PLIN5: variants seen among roughly 807,000 people sequenced by gnomAD.
PLIN5 encodes the protein perilipin 5.
A neutral mutation model predicts 32.8 loss-of-function variants in PLIN5; 34 were observed. That is an observed-to-expected ratio of 1.04 (90% confidence interval 0.79 to 1.38). The LOEUF is 1.38. Among genes scored for constraint, PLIN5 ranks in the 40% most tolerant of loss-of-function variants. The pLI, the probability that PLIN5 is intolerant of heterozygous loss-of-function variation, is 0.00. For missense variants in PLIN5, 712 were observed against 660.5 expected, an observed-to-expected ratio of 1.08 and a Z score of -0.85; for synonymous variants, 309 against 292.9, an observed-to-expected ratio of 1.05 and a Z score of -0.56.
intron 1 of PLIN5, 34 bp from the exon 2 acceptor site, chr19:4,534,129 C>T: frequency 6.4e-7 from 1 of 1,562,254 alleles, no homozygotes; most frequent in Non-Finnish European, 8.7e-7. Flanking sequence ...GGAGCACCTG[C>T]CCAGGCATCA....
intron 5 of PLIN5, among the ~76,000 whole-genome samples, chr19:4,527,403 G>A (rs770255370): frequency 2.0e-5 from 3 of 151,824 alleles, no homozygotes; most frequent in Admixed American, 1.3e-4. Flanking sequence ...GCCAGATGTG[G>A]TGGTGTGCAC....
In PLIN5 at chr19:4,529,086, C is replaced by T. The variant is rs771928410; in HGVS notation, c.507G>A (p.Thr169=). 1.4e-5 allele frequency: 23 copies of T among 1,612,998 alleles called. No homozygotes were observed. The highest frequency in any genetic ancestry group is 3.3e-5 in the South Asian group (3 of 91,046). The change falls in exon 5 of 8, where the codon ACG becomes ACA. Residue 169 remains threonine (T), a synonymous_variant. Coordinates refer to ENST00000381848, the MANE Select transcript of PLIN5 (RefSeq NM_001013706.3). ...EELVDHFLPM[T]EEELAALAAE... is the part of the protein sequence containing the mutation. ...TGTCGTCCTCACCGAGCTCTTCCTCCGTCATGGGCAGGAAGTGATCCACCA... is the reference window on the plus strand; with the variant it reads ...TGTCGTCCTCACCGAGCTCTTCCTCTGTCATGGGCAGGAAGTGATCCACCA...
In PLIN5 at chr19:4,531,676, G is replaced by A. The variant is rs755085794; in HGVS notation, c.207C>T (p.Thr69=). 2 of 1,547,384 alleles carry A rather than the reference G, an allele frequency of 1.3e-6. No individual in the cohort carries two copies. Among genetic ancestry groups the A allele is most frequent in the Non-Finnish European group, 1.7e-6 (2 of 1,150,334 alleles). Residue 69 remains threonine (T), a synonymous_variant, in exon 3 of 8, where the codon ACC becomes ACT. Coordinates refer to ENST00000381848, the MANE Select transcript of PLIN5 (RefSeq NM_001013706.3). The part of the protein sequence containing the change: ...LAENCVCGLT[T]RALDHAQPLL... Reference sequence around the variant, plus strand: ...GCGGCTGGGCGTGGTCCAGGGCACGGGTGGTCAGGCCGCACACGCAGTTCT... The same window carrying A: ...GCGGCTGGGCGTGGTCCAGGGCACGAGTGGTCAGGCCGCACACGCAGTTCT...
intron 7 of PLIN5, 38 bp from the exon 8 acceptor site, chr19:4,524,123 C>T: frequency 7.2e-7 from 1 of 1,388,630 alleles, no homozygotes; most frequent in Non-Finnish European, 9.3e-7. Context: ...CCTATGGACG[C>T]CCAGGAGGAC....
chr19:4,524,434 C>A (rs183118092), intron 7 of PLIN5, among the ~76,000 whole-genome samples: 85 of 152,342 alleles, frequency 5.6e-4, no homozygotes, highest in Admixed American at 1.3e-3. Flanking sequence ...CACCTGTAGT[C>A]CCAGCTACTT....
In PLIN5 at chr19:4,528,956, T is replaced by C. The variant is rs928360509; in HGVS notation, c.520+117A>G. ...AGGACAGGCCTGGTTTTGAGTTGTA[T>C]GTTTCCTGCTGATCTGCTGTGTGAC... On this transcript the variant is annotated intron_variant, in intron 5 of 7. Transcript: ENST00000381848. 8.7e-6 allele frequency: 10 copies of C among 1,143,308 alleles called. No individual in the cohort carries two copies. In the Admixed American group the frequency reaches 1.3e-4, roughly 15 times the overall value. 70.8% of individuals were successfully genotyped at this position (1,143,308 alleles called of 1,614,324 possible).
chr19:4,530,543 G>A (rs1001963824), intron 3 of PLIN5, among the ~76,000 whole-genome samples: 11 of 152,068 alleles, frequency 7.2e-5, no homozygotes, highest in African/African-American at 2.7e-4. Context: ...GAGGGGAGGG[G>A]GCCTGGAGAG....
At chr19:4,530,413 G>A (rs10404662) in intron 3 of PLIN5, among the ~76,000 whole-genome samples, 7,958 of 152,248 alleles carry the variant, frequency 0.052, 681 homozygotes, top group African/African-American at 0.18. Context: ...CCTCTTCCTG[G>A]GTCAGACTAG....
chr19:4,525,385 C>T lies in PLIN5; in HGVS notation c.720+248G>A, dbSNP rs2145322438. Reference sequence around the variant, plus strand: ...AAGGCTCTCTTCTGACCTACCCTAACTTGCTATAAATTCCAGCTTCTCCTT... The same window carrying T: ...AAGGCTCTCTTCTGACCTACCCTAATTTGCTATAAATTCCAGCTTCTCCTT... On this transcript the variant is annotated intron_variant, in intron 6 of 7. Coordinates refer to ENST00000381848, the MANE Select transcript of PLIN5 (RefSeq NM_001013706.3). The surrounding 1 kb of genome is among the most constrained non-coding windows in gnomAD (Gnocchi z 5.6). Among the ~76,000 whole-genome samples, 1 of 152,278 alleles carries T rather than the reference C, an allele frequency of 6.6e-6. No individual in the cohort carries two copies. Among genetic ancestry groups the T allele is most frequent in the East Asian group, 1.9e-4 (1 of 5,172 alleles).
At position 4,531,781 on chromosome 19, in the gene PLIN5, G is replaced by A; in HGVS notation, c.102C>T (p.Ala34=). ...AAACATCGCAGACCGCGGTGCACGTGGCCCTGACCAGGGGCAGAGCCACCA... is the reference window on the plus strand; with the variant it reads ...AAACATCGCAGACCGCGGTGCACGTAGCCCTGACCAGGGGCAGAGCCACCA... ...QRVVALPLVR[A]TCTAVCDVYS... is the part of the protein sequence containing the mutation. The change falls in exon 3 of 8, where the codon GCC becomes GCT. Residue 34 remains alanine, a synonymous_variant. Transcript: ENST00000381848. The A allele has an allele frequency of 6.3e-7, 1 of 1,587,970 alleles. No individual in the cohort carries two copies. The highest frequency in any genetic ancestry group is 8.6e-7 in the Non-Finnish European group (1 of 1,168,168).
chr19:4,524,095 GC>G lies in PLIN5; in HGVS notation c.835-11del. On this transcript the variant is annotated splice_polypyrimidine_tract_variant and intron_variant, in intron 7 of 7. Coordinates refer to ENST00000381848, the MANE Select transcript of PLIN5 (RefSeq NM_001013706.3). Reference sequence around the variant, plus strand: ...GCGTCTCCAGCTCTGCCTGCAGGGGGCGGGGACCTCAGTTTCCCCTATGGAC... The same window carrying G: ...GCGTCTCCAGCTCTGCCTGCAGGGGGGGGGACCTCAGTTTCCCCTATGGAC... The G allele has an allele frequency of 7.1e-7, 1 of 1,406,456 alleles. No individual in the cohort carries two copies. The highest frequency in any genetic ancestry group is 1.5e-5 in the South Asian group (1 of 64,528). 87.1% of individuals were successfully genotyped at this position (1,406,456 alleles called of 1,614,324 possible).
At chr19:4,531,960 G>T in intron 2 of PLIN5, 138 bp from the exon 3 acceptor site, 1 of 844,586 alleles carries the variant, frequency 1.2e-6, no homozygotes, top group Non-Finnish European at 1.7e-6. Flanking sequence ...GCCACGTAGA[G>T]GCAGTGAAGA....
rs369986761 is a variant in PLIN5 at position 4,527,023 on chromosome 19, G to A, written c.521-1191C>T. 6.0e-4 allele frequency among the ~76,000 whole-genome samples: 91 copies of A among 152,170 alleles called. No homozygotes were observed. In the East Asian group the frequency reaches 0.014, roughly 23 times the overall value. On this transcript the variant is annotated intron_variant, in intron 5 of 7. Coordinates refer to ENST00000381848, the MANE Select transcript of PLIN5 (RefSeq NM_001013706.3). ...AGGCCAAGGCAGGGGGATCACTTGA[G>A]CCCAGGAGTTGGAGACCAGCCTGGG...
chr19:4,534,192 C>A lies in PLIN5; in HGVS notation c.-21-97G>T, dbSNP rs1976921058. The stretch of plus-strand genomic sequence containing the variant: ...TGAGCAACTCTCAAACCTCTTGGGG[C>A]CTCAGTTTCTTCATCTGCATAATGG... On this transcript the variant is annotated intron_variant, in intron 1 of 7. Transcript: ENST00000381848. The A allele has an allele frequency of 2.9e-6, 3 of 1,017,526 alleles. No homozygotes were observed. In the South Asian group the frequency reaches 4.2e-5, roughly 14 times the overall value. The allele number at this position is 1,017,526 out of a possible 1,614,324, so 63.0% of individuals were successfully genotyped here. A position where few individuals can be genotyped will look rare whatever the true frequency, so the allele number is the denominator to read the frequency against.
intron 5 of PLIN5, among the ~76,000 whole-genome samples, chr19:4,526,690 A>C (rs1976807537): frequency 2.6e-5 from 4 of 151,914 alleles, no homozygotes; most frequent in Admixed American, 2.6e-4. Flanking sequence ...TCTCTAAAAA[A>C]GAAATACAGA....
At chr19:4,527,368 G>C (rs1487886415) in intron 5 of PLIN5, among the ~76,000 whole-genome samples, 1 of 150,108 alleles carries the variant, frequency 6.7e-6, no homozygotes, top group Admixed American at 6.6e-5. Flanking sequence ...CACCGCGCCC[G>C]GCCTAAAAAA....
chr19:4,529,479 T>C (rs1017531940), intron 4 of PLIN5: 30 of 559,990 alleles, frequency 5.4e-5, no homozygotes, highest in Non-Finnish European at 7.6e-5. Flanking sequence ...CATATACATA[T>C]ATACACATAT....
Position 4,523,787 on chromosome 19 carries a change from A to G in PLIN5, c.1133T>C (p.Phe378Ser). 1 of 1,597,558 alleles carries G rather than the reference A, an allele frequency of 6.3e-7. No individual in the cohort carries two copies. The highest frequency in any genetic ancestry group is 8.5e-7 in the Non-Finnish European group (1 of 1,178,916). The change falls in exon 8 of 8, where the codon TTC becomes TCC. Residue 378 changes from phenylalanine (F) to serine (S), a missense_variant. Transcript: ENST00000381848. The surrounding 1 kb of genome is among the most constrained non-coding windows in gnomAD (Gnocchi z 5.0). ...AVPLPWLVGP[F>S]APILVERPEP... ...GGGTCGCTCCACAAGGATGGGCGCG[A>G]AGGGTCCCACCAGCCAGGGCAGCGG...
chr19:4,529,294 C>A (rs372493282), intron 4 of PLIN5, 41 bp from the exon 5 acceptor site: 16 of 1,542,430 alleles, frequency 1.0e-5, no homozygotes, highest in Non-Finnish European at 1.4e-5. Flanking sequence ...CCGTGGGACT[C>A]CAGCTCCATT....
Sources: gnomAD v4.1 joint callset for allele counts (sites outside exome capture counted in the v4.1 genomes callset) on GRCh38, gnomAD v4.1.1 for gene constraint, Gnocchi (gnomAD v3.1) non-coding constraint, MANE v1.5 for transcripts, NCBI Gene and HGNC (gene_info 2026-07-23, HGNC 2026-07-21) for gene names.